Variants in KLF12 observed in about 807,000 individuals in gnomAD.
KLF12 encodes Krueppel-like factor 12.
KLF12 carries 9 observed loss-of-function variants against 37.8 expected under a neutral mutation model. That is an observed-to-expected ratio of 0.24 (90% confidence interval 0.14 to 0.42). The LOEUF (loss-of-function observed/expected upper bound fraction) is 0.42, where lower values mean the gene tolerates loss of function less well. Among genes scored for constraint, KLF12 ranks in the 10% least tolerant of loss-of-function variants. The pLI, the probability that KLF12 is intolerant of heterozygous loss-of-function variation, is 1.00. For synonymous variants in KLF12, 208 were observed against 202.1 expected, an observed-to-expected ratio of 1.03 and a Z score of -0.25; for missense variants, 411 against 516.0, an observed-to-expected ratio of 0.80 and a Z score of 1.97.
the KLF12 span, among the ~76,000 whole-genome samples, chr13:74,245,337 C>CTATCTATCT: frequency 5.4e-3 from 809 of 149,262 alleles, 2 homozygotes; most frequent in Middle Eastern, 0.01. Flanking sequence ...ATCTATCTAT[C>CTATCTATCT]TATCATCTAC....
intron 1 of KLF12, among the ~76,000 whole-genome samples, chr13:74,033,303 T>C (rs1893162895): frequency 1.3e-5 from 2 of 152,210 alleles, no homozygotes; most frequent in Admixed American, 1.3e-4. Flanking sequence ...TGCCCTTTTA[T>C]TATACATGCA....
At chr13:73,695,778 T>G in intron 7 of KLF12, 107 bp from the exon 8 acceptor site, 2 of 1,058,094 alleles carry the variant, frequency 1.9e-6, no homozygotes, top group Non-Finnish European at 2.8e-6. Context: ...AATTTTCCCG[T>G]TGGTAAATCT....
intron 1 of KLF12, among the ~76,000 whole-genome samples, chr13:74,072,809 G>A (rs902383427): frequency 1.3e-5 from 2 of 152,136 alleles, no homozygotes; most frequent in Non-Finnish European, 2.9e-5. Flanking sequence ...AAATAACCCA[G>A]CATCTGTGTT....
At chr13:74,111,963 A>G (rs6562797) in intron 1 of KLF12, among the ~76,000 whole-genome samples, 144,276 of 152,246 alleles carry the variant, frequency 0.95, 68,544 homozygotes, top group East Asian at 1. Context: ...TCAACCAATC[A>G]TATTTTGGCT....
intron 1 of KLF12, among the ~76,000 whole-genome samples, chr13:74,125,303 G>GA (rs2139000815): frequency 6.6e-6 from 1 of 152,044 alleles, no homozygotes; most frequent in Admixed American, 6.5e-5. Context: ...TTCCCAGATA[G>GA]AAACAATTTT....
chr13:73,775,385 G>A (rs183368319), intron 5 of KLF12, among the ~76,000 whole-genome samples: 81 of 152,276 alleles, frequency 5.3e-4, no homozygotes, highest in African/African-American at 1.9e-3. Context: ...ATAAAATAAT[G>A]CTATGGTAAG....
In KLF12 at chr13:74,039,704, A is replaced by C. The variant is rs150138411; in HGVS notation, c.-31-44651T>G. ...AGGGGGAAATAAAAAATGAAATATC[A>C]ATGTTATATTTCAAAAGCGTAATAC... is the stretch of plus-strand genomic sequence containing the variant. On this transcript the variant is annotated intron_variant, in intron 1 of 7. Coordinates refer to ENST00000377669, the MANE Select transcript of KLF12 (RefSeq NM_007249.5). Among the ~76,000 whole-genome samples, 325 of 152,366 alleles carry C rather than the reference A, an allele frequency of 2.1e-3. 2 individuals are homozygous for C. Among genetic ancestry groups the C allele is most frequent in the African/African-American group, 7.0e-3 (293 of 41,590 alleles).
the KLF12 span, among the ~76,000 whole-genome samples, chr13:74,189,396 A>T: frequency 6.6e-6 from 1 of 152,292 alleles, no homozygotes; most frequent in African/African-American, 2.4e-5. Context: ...CCTCATTTGC[A>T]GCGAGGCCAC....
At chr13:73,914,952 T>C (rs907891236) in intron 3 of KLF12, among the ~76,000 whole-genome samples, 12 of 152,320 alleles carry the variant, frequency 7.9e-5, no homozygotes, top group Middle Eastern at 6.8e-3. Flanking sequence ...ACAAATGGAA[T>C]GGCTTAAAAC....
intron 6 of KLF12, among the ~76,000 whole-genome samples, chr13:73,745,276 G>A (rs758991222): frequency 1.3e-5 from 2 of 152,126 alleles, no homozygotes; most frequent in Non-Finnish European, 2.9e-5. Context: ...GTAGGAAAGA[G>A]GGGACGCTAC....
At chr13:73,896,210 A>T (rs1434322952) in intron 3 of KLF12, among the ~76,000 whole-genome samples, 3 of 152,246 alleles carry the variant, frequency 2.0e-5, no homozygotes, top group Non-Finnish European at 4.4e-5. Flanking sequence ...TACTAAAATC[A>T]AAAATAGTTG....
At chr13:73,975,551 C>T (rs914987435) in intron 2 of KLF12, among the ~76,000 whole-genome samples, 15 of 152,182 alleles carry the variant, frequency 9.9e-5, no homozygotes, top group African/African-American at 3.6e-4. Context: ...ATTTCTCGAT[C>T]CAGTGCTTTT....
the KLF12 span, among the ~76,000 whole-genome samples, chr13:74,193,367 T>C: frequency 1.3e-5 from 2 of 152,162 alleles, no homozygotes; most frequent in Non-Finnish European, 2.9e-5. Flanking sequence ...CAGACATACC[T>C]ATGAGGTAGA....
chr13:73,896,306 G>C (rs759730674), intron 3 of KLF12, among the ~76,000 whole-genome samples: 42 of 152,174 alleles, frequency 2.8e-4, no homozygotes, highest in Non-Finnish European at 1.6e-4. Context: ...CAATTAACTA[G>C]CTTTAAAATT....
At chr13:74,086,057 G>A (rs899381151) in intron 1 of KLF12, among the ~76,000 whole-genome samples, 3 of 13,148 alleles carry the variant, frequency 2.3e-4, no homozygotes, top group Non-Finnish European at 4.0e-4. Flanking sequence ...TTTTAAAAGT[G>A]GTTTAAACTT....
chr13:74,043,837 G>C (rs1893473034), intron 1 of KLF12, among the ~76,000 whole-genome samples: 1 of 152,190 alleles, frequency 6.6e-6, no homozygotes, highest in Admixed American at 6.5e-5. Flanking sequence ...GTTGAAAGAA[G>C]AGTGGGAGAG....
chr13:74,241,305 A>G, the KLF12 span, among the ~76,000 whole-genome samples: 1 of 152,176 alleles, frequency 6.6e-6, no homozygotes, highest in African/African-American at 2.4e-5. Context: ...GCCCATTCTC[A>G]GATCTCCAGC....
intron 3 of KLF12, among the ~76,000 whole-genome samples, chr13:73,936,492 A>G (rs1889933655): frequency 2.0e-5 from 3 of 152,010 alleles, no homozygotes; most frequent in Admixed American, 6.6e-5. Context: ...CCTTCCTCCA[A>G]TACACAGGAA....
intron 1 of KLF12, among the ~76,000 whole-genome samples, chr13:74,065,364 T>C (rs1423128253): frequency 6.6e-6 from 1 of 152,118 alleles, no homozygotes; most frequent in Non-Finnish European, 1.5e-5. Flanking sequence ...AAGTGAGAAA[T>C]TCAGGTGTGA....
Sources: gnomAD v4.1 joint callset for allele counts (sites outside exome capture counted in the v4.1 genomes callset) on GRCh38, gnomAD v4.1.1 for gene constraint, MANE v1.5 for transcripts, NCBI Gene and HGNC (gene_info 2026-07-23, HGNC 2026-07-21) for gene names.